Variants in PLCG2 observed in about 807,000 individuals in gnomAD.
The protein encoded by PLCG2 is 1-phosphatidylinositol 4,5-bisphosphate phosphodiesterase gamma-2.
PLCG2 carries 69 observed loss-of-function variants against 175.6 expected under a neutral mutation model. The observed-to-expected ratio is 0.39, with a 90% CI of 0.32 to 0.48. The LOEUF is 0.48. Among genes scored for constraint, PLCG2 ranks in the 20% least tolerant of loss-of-function variants. PLCG2 has a pLI of 0.91. For missense variants in PLCG2, 1,798 were observed against 1,650.9 expected (o/e 1.09, Z -1.54); for synonymous variants, 827 against 624.0 (o/e 1.33, Z -4.85).
rs554157647 is a variant in PLCG2, at chr16:81,815,193, T to G, written c.193+29011T>G. ...CGCCTCTTCATGCAGAGGGTGGTTA[T>G]GCGAAGGGAGGAGGTTTTATTGCAT... is the stretch of plus-strand genomic sequence containing the variant. On this transcript the variant is annotated intron_variant, in intron 2 of 32. Coordinates refer to ENST00000564138, the MANE Select transcript of PLCG2 (RefSeq NM_002661.5). 3.3e-5 allele frequency among the ~76,000 whole-genome samples: 5 copies of G among 152,278 alleles called. No individual in the cohort carries two copies. The East Asian group carries it at 9.7e-4, about 29-fold the overall frequency.
At chr16:81,836,256 C>G (rs1035011081) in intron 2 of PLCG2, among the ~76,000 whole-genome samples, 4 of 152,184 alleles carry the variant, frequency 2.6e-5, no homozygotes, top group Non-Finnish European at 5.9e-5. Flanking sequence ...TAAAATGACT[C>G]TCCCAAGGTC....
chr16:81,875,805 G>A (rs1279560385), intron 7 of PLCG2, among the ~76,000 whole-genome samples: 1 of 152,138 alleles, frequency 6.6e-6, no homozygotes, highest in Non-Finnish European at 1.5e-5. Context: ...ATCTCTGGTT[G>A]TTCCTATGAT....
At chr16:81,823,959 CTTTCCT>C (rs1325537404) in intron 2 of PLCG2, among the ~76,000 whole-genome samples, 1 of 142,934 alleles carries the variant, frequency 7.0e-6, no homozygotes, top group Non-Finnish European at 1.5e-5. Context: ...TTCCCTTTCC[CTTTCCT>C]TCCTTCCTTC....
chr16:81,918,460 A>C (rs927867060), intron 19 of PLCG2, among the ~76,000 whole-genome samples: 6 of 152,222 alleles, frequency 3.9e-5, no homozygotes, highest in Middle Eastern at 3.4e-3. Context: ...AATTCTTTTA[A>C]TTTTTTTAAA....
chr16:81,819,666 C>A (rs1904709825), intron 2 of PLCG2, among the ~76,000 whole-genome samples: 3 of 152,310 alleles, frequency 2.0e-5, no homozygotes, highest in East Asian at 3.9e-4. Flanking sequence ...CTCACTGCAA[C>A]CTCCGCCTTC....
intron 1 of PLCG2, among the ~76,000 whole-genome samples, chr16:81,747,618 A>G (rs796969425): frequency 4.5e-4 from 69 of 152,324 alleles, no homozygotes; most frequent in African/African-American, 1.5e-3. Context: ...ATAGAGGATG[A>G]GTTACATCAA....
Position 81,912,467 on chromosome 16 carries a change from G to A in PLCG2, c.1935-130G>A, listed in dbSNP as rs1909669253. Reference sequence around the variant, plus strand: ...GCCTTTGTCTGGGGAAGCCCACTGTGTGATTTCCATGGTCGTTTCCAGGGC... The same window carrying A: ...GCCTTTGTCTGGGGAAGCCCACTGTATGATTTCCATGGTCGTTTCCAGGGC... On this transcript the variant is annotated intron_variant, in intron 18 of 32. Coordinates refer to ENST00000564138, the MANE Select transcript of PLCG2 (RefSeq NM_002661.5). 4.5e-6 allele frequency: 5 copies of A among 1,123,458 alleles called. No homozygotes were observed. In the South Asian group the frequency reaches 6.3e-5, roughly 14 times the overall value. 69.6% of individuals were successfully genotyped at this position (1,123,458 alleles called of 1,614,324 possible).
intron 5 of PLCG2, among the ~76,000 whole-genome samples, chr16:81,859,957 G>C (rs990807519): frequency 2.0e-5 from 3 of 152,004 alleles, no homozygotes; most frequent in African/African-American, 4.8e-5. Flanking sequence ...CCTGCACAAA[G>C]CTCTATGACG....
intron 2 of PLCG2, among the ~76,000 whole-genome samples, chr16:81,765,816 C>T (rs1048672133): frequency 3.3e-5 from 5 of 152,090 alleles, no homozygotes; most frequent in African/African-American, 4.8e-5. Flanking sequence ...AGTTCAGACC[C>T]GATGCAAAAG....
intron 2 of PLCG2, among the ~76,000 whole-genome samples, chr16:81,803,637 C>CTCCCTCCCTCCG (rs1166360767): frequency 2.0e-4 from 3 of 15,152 alleles, no homozygotes; most frequent in Admixed American, 1.3e-3. Context: ...TTCTTCTTCC[C>CTCCCTCCCTCCG]TCCCTCCCTC....
chr16:81,934,667 T>C (rs1181669580), intron 26 of PLCG2, 136 bp downstream of exon 26: 8 of 656,638 alleles, frequency 1.2e-5, no homozygotes, highest in Admixed American at 2.5e-5. Flanking sequence ...CCACCTTGGG[T>C]TTGTCCTCCG....
intron 2 of PLCG2, among the ~76,000 whole-genome samples, chr16:81,837,480 G>C (rs1371853068): frequency 6.6e-6 from 1 of 152,218 alleles, no homozygotes. Flanking sequence ...GCAGAAGGCG[G>C]AGCCCAGAGG....
chr16:81,748,515 T>C (rs1909746992), intron 1 of PLCG2, among the ~76,000 whole-genome samples: 3 of 151,874 alleles, frequency 2.0e-5, no homozygotes, highest in Admixed American at 1.3e-4. Flanking sequence ...AAGAGGTGAC[T>C]AAGGATGTCT....
chr16:81,810,402 G>A (rs1022559761), intron 2 of PLCG2, among the ~76,000 whole-genome samples: 2 of 152,216 alleles, frequency 1.3e-5, no homozygotes, highest in African/African-American at 4.8e-5. Flanking sequence ...GTTATTTGCA[G>A]CATCAGTATT....
At chr16:81,806,246 C>G (rs951851817) in intron 2 of PLCG2, among the ~76,000 whole-genome samples, 5 of 151,858 alleles carry the variant, frequency 3.3e-5, no homozygotes, top group East Asian at 3.9e-4. Flanking sequence ...CTCTTTTGTC[C>G]TTTTGCATTA....
intron 2 of PLCG2, chr16:81,767,514 A>G (rs954252809): frequency 1.3e-5 from 2 of 152,002 alleles, no homozygotes; most frequent in African/African-American, 2.4e-5. Flanking sequence ...AGCCTTCCCA[A>G]CCTGCACTGA....
rs549627949 is a variant in PLCG2 at position 81,936,483 on chromosome 16, G to C, written c.3052+105G>C. The C allele has an allele frequency of 6.0e-5, 53 of 887,650 alleles. No individual in the cohort carries two copies. The East Asian group carries it at 1.3e-3, about 21-fold the overall frequency. 55.0% of individuals were successfully genotyped at this position (887,650 alleles called of 1,614,324 possible). Reference sequence around the variant, plus strand: ...GATACCATGTGGTGTCCAAGAATGAGTGATTTGTCCGAGGGACTGCACGGT... The same window carrying C: ...GATACCATGTGGTGTCCAAGAATGACTGATTTGTCCGAGGGACTGCACGGT... On this transcript the variant is annotated intron_variant, in intron 27 of 32. Coordinates refer to ENST00000564138, the MANE Select transcript of PLCG2 (RefSeq NM_002661.5).
At chr16:81,769,642 C>A (rs568593398) in intron 2 of PLCG2, among the ~76,000 whole-genome samples, 1 of 151,402 alleles carries the variant, frequency 6.6e-6, no homozygotes, top group Non-Finnish European at 1.5e-5. Flanking sequence ...ACGGTGAAAC[C>A]CCGTCTCTAC....
At chr16:81,908,620 C>A in intron 17 of PLCG2, 29 bp downstream of exon 17, 1 of 1,574,810 alleles carries the variant, frequency 6.3e-7, no homozygotes, top group Non-Finnish European at 8.6e-7. Flanking sequence ...GGAACGCCTA[C>A]CTTCTTCTCC....
Sources: gnomAD v4.1 joint callset for allele counts (sites outside exome capture counted in the v4.1 genomes callset) on GRCh38, gnomAD v4.1.1 for gene constraint, MANE v1.5 for transcripts, NCBI Gene and HGNC (gene_info 2026-07-23, HGNC 2026-07-21) for gene names.